Variants in CD163L1 observed in about 807,000 individuals in gnomAD.
CD163L1 encodes the protein CD163 molecule like 1, also known as scavenger receptor cysteine-rich type 1 protein M160.
CD163L1 carries 124 observed loss-of-function variants against 165.4 expected under a neutral mutation model. That is an observed-to-expected ratio of 0.75 (90% CI 0.65 to 0.87). The LOEUF (loss-of-function observed/expected upper bound fraction) is 0.87. Among genes scored for constraint, CD163L1 ranks in the 40% least tolerant of loss-of-function variants. The pLI is 0.00. For missense variants in CD163L1, 1,525 were observed against 1,799.9 expected (o/e 0.85, Z 2.76); for synonymous variants, 585 against 662.2 (o/e 0.88, Z 1.79).
intron 6 of CD163L1, among the ~76,000 whole-genome samples, chr12:7,399,904 A>C (rs1270571756): frequency 6.6e-6 from 1 of 152,120 alleles, no homozygotes; most frequent in Non-Finnish European, 1.5e-5. Flanking sequence ...GAAATATTTT[A>C]CTATGTAGGT....
At chr12:7,380,336 C>T (rs1365424389) in intron 8 of CD163L1, among the ~76,000 whole-genome samples, 3 of 145,234 alleles carry the variant, frequency 2.1e-5, no homozygotes, top group African/African-American at 8.1e-5. Flanking sequence ...TATGTATACA[C>T]GTATACATAC....
chr12:7,421,065 G>GTA (rs1400997696), intron 4 of CD163L1, among the ~76,000 whole-genome samples: 6 of 82,908 alleles, frequency 7.2e-5, no homozygotes, highest in African/African-American at 2.1e-4. Flanking sequence ...ACGTATATAT[G>GTA]TATATATACG....
At chr12:7,402,930 G>A (rs73272429) in intron 6 of CD163L1, among the ~76,000 whole-genome samples, 32 of 152,124 alleles carry the variant, frequency 2.1e-4, no homozygotes, top group African/African-American at 7.5e-4. Flanking sequence ...ACTGCACCTA[G>A]CTTTGTTTTT....
intron 18 of CD163L1, among the ~76,000 whole-genome samples, chr12:7,366,925 A>C (rs1947033002): frequency 6.6e-6 from 1 of 152,218 alleles, no homozygotes; most frequent in African/African-American, 2.4e-5. Context: ...TTGGGTTTGT[A>C]ATGAAACTGT....
the CD163L1 span, among the ~76,000 whole-genome samples, chr12:7,339,187 T>C: frequency 5.3e-5 from 8 of 152,178 alleles, no homozygotes; most frequent in African/African-American, 1.4e-4. Flanking sequence ...TATAATCTTA[T>C]ATACAATTTA....
the CD163L1 span, among the ~76,000 whole-genome samples, chr12:7,341,055 A>G: frequency 6.6e-6 from 1 of 152,194 alleles, no homozygotes; most frequent in East Asian, 1.9e-4. Flanking sequence ...TAAAATATGG[A>G]CATATTTTTG....
intron 6 of CD163L1, among the ~76,000 whole-genome samples, chr12:7,402,820 G>C (rs4131305): frequency 0.1 from 15,483 of 151,814 alleles, 1,396 homozygotes; most frequent in African/African-American, 0.23. Flanking sequence ...ATTTTTTGCA[G>C]AGGGAGTCTT....
intron 4 of CD163L1, among the ~76,000 whole-genome samples, chr12:7,425,469 C>A (rs1252967621): frequency 1.3e-5 from 2 of 152,010 alleles, no homozygotes; most frequent in African/African-American, 4.8e-5. Flanking sequence ...GCAACAAAAG[C>A]CAAAATTGAC....
At chr12:7,323,581 G>C in the CD163L1 span, 1 of 1,596,530 alleles carries the variant, frequency 6.3e-7, no homozygotes, top group Non-Finnish European at 8.6e-7. Flanking sequence ...AGAAAGTGCT[G>C]GTCATGCTTA....
downstream of CD163L1, among the ~76,000 whole-genome samples, chr12:7,343,217 A>G (rs1395344634): frequency 6.6e-6 from 1 of 152,188 alleles, no homozygotes; most frequent in Admixed American, 6.5e-5. Context: ...TGTCAGTAGA[A>G]ATGTTAAAGT....
the CD163L1 span, among the ~76,000 whole-genome samples, chr12:7,336,346 A>C: frequency 2.0e-5 from 3 of 151,822 alleles, no homozygotes; most frequent in Admixed American, 1.3e-4. Context: ...TGATGAGTTC[A>C]TGTCCTTTGT....
chr12:7,375,413 C>T lies in CD163L1; in HGVS notation c.2869G>A (p.Glu957Lys). Residue 957 changes from glutamate to lysine, a missense_variant, in exon 11 of 20, where the codon GAA becomes AAA. Coordinates refer to ENST00000313599, the MANE Select transcript of CD163L1 (RefSeq NM_174941.6). ...TGTCCCCACACACGAACACTTCTTT[C>T]TCCAATATATTTTCCTCCTGTGGTT... ...LSTTGGKYIG[E>K]RSVRVWGHRF... The T allele has an allele frequency of 1.9e-6, 3 of 1,614,196 alleles. No individual in the cohort carries two copies. The highest frequency in any genetic ancestry group is 2.5e-6 in the Non-Finnish European group (3 of 1,180,030).
chr12:7,438,747 C>A (rs752071563), intron 2 of CD163L1: 31 of 1,238,574 alleles, frequency 2.5e-5, no homozygotes, highest in South Asian at 3.1e-5. Context: ...CCACTCAACA[C>A]GGGTTTTCTG....
At chr12:7,403,398 C>G in intron 6 of CD163L1, 137 bp downstream of exon 6, 1 of 790,522 alleles carries the variant, frequency 1.3e-6, no homozygotes, top group South Asian at 2.0e-5. Flanking sequence ...TTGAAAAGTT[C>G]TTTGTGCAGC....
the CD163L1 span, chr12:7,324,583 T>C: frequency 3.7e-6 from 6 of 1,613,762 alleles, no homozygotes; most frequent in Admixed American, 1.0e-4. Context: ...GTAGTCCAGA[T>C]CAAATCCGCG....
At position 7,444,151 on chromosome 12, in the gene CD163L1, C is replaced by T. The variant is rs77168633; in HGVS notation, c.-24G>A. Reference sequence around the variant, plus strand: ...ATTATGGGTCTATCTCTTCCTGAGTCCTGATGTAACTCCTGGGTCCTCTTA... The same window carrying T: ...ATTATGGGTCTATCTCTTCCTGAGTTCTGATGTAACTCCTGGGTCCTCTTA... On this transcript the variant is annotated 5_prime_UTR_variant, in exon 1 of 20. Transcript: ENST00000313599. The T allele has an allele frequency of 4.4e-3, 7,070 of 1,612,396 alleles. 15 individuals carry two copies. The highest frequency in any genetic ancestry group is 5.4e-3 in the Non-Finnish European group (6,321 of 1,178,676).
chr12:7,389,960 T>TA (rs1555197839), intron 8 of CD163L1, among the ~76,000 whole-genome samples: 30 of 135,938 alleles, frequency 2.2e-4, no homozygotes, highest in Admixed American at 3.7e-4. Flanking sequence ...ATATATATAT[T>TA]TATATATATA....
intron 18 of CD163L1, among the ~76,000 whole-genome samples, chr12:7,363,626 A>G (rs1946952150): frequency 6.6e-6 from 1 of 151,910 alleles, no homozygotes; most frequent in Non-Finnish European, 1.5e-5. Flanking sequence ...ACAAAGAATC[A>G]TTTAAAAATA....
At chr12:7,414,266 T>G (rs145333220) in intron 4 of CD163L1, among the ~76,000 whole-genome samples, 2 of 151,832 alleles carry the variant, frequency 1.3e-5, no homozygotes, top group Non-Finnish European at 2.9e-5. Context: ...AGTAAAGAGA[T>G]AGAAACAATT....
Sources: gnomAD v4.1 joint callset for allele counts (sites outside exome capture counted in the v4.1 genomes callset) on GRCh38, gnomAD v4.1.1 for gene constraint, MANE v1.5 for transcripts, NCBI Gene and HGNC (gene_info 2026-07-23, HGNC 2026-07-21) for gene names.